The following SNIP1 variants were observed in gnomAD, a reference collection of about 807,000 sequenced individuals.
The protein encoded by SNIP1 is Smad nuclear interacting protein 1.
A neutral mutation model predicts 37.4 loss-of-function variants in SNIP1; 23 were observed. The ratio of observed to expected loss-of-function variants is 0.61; its 90% CI spans 0.44 to 0.87. The LOEUF (loss-of-function observed/expected upper bound fraction) is 0.87. SNIP1 is among the 40% of genes least tolerant of loss of function. The pLI is 0.00. For synonymous variants in SNIP1, 174 were observed against 200.0 expected, an observed-to-expected ratio of 0.87 and a Z score of 1.10; for missense variants, 459 against 540.4, an observed-to-expected ratio of 0.85 and a Z score of 1.49.
chr1:37,548,760 AGAC>A (rs1643270239), intron 2 of SNIP1: 2 of 150,468 alleles, frequency 1.3e-5, no homozygotes, highest in Admixed American at 1.3e-4. Context: ...AAAAAAAAAA[AGAC>A]GACTGAATTC....
intron 2 of SNIP1, chr1:37,544,888 G>C: frequency 9.9e-7 from 1 of 1,014,946 alleles, no homozygotes; most frequent in Non-Finnish European, 1.5e-6. Flanking sequence ...ACAATGATGT[G>C]GCTTTGAAGA....
In SNIP1 at chr1:37,535,222, A is replaced by ATT. The variant is rs2148110241; in HGVS notation, c.*2525_*2526insAA. On this transcript the variant is annotated 3_prime_UTR_variant, in exon 4 of 4. Coordinates refer to ENST00000296215, the MANE Select transcript of SNIP1 (RefSeq NM_024700.4). ...CCATCTCTACTAAAAAAAAATAAAA[A>ATT]ATAAAAATTATATATATAAATTAGC... 1 of 92,952 alleles carries ATT rather than the reference A, an allele frequency of 1.1e-5. No individual in the cohort carries two copies. The highest frequency in any genetic ancestry group is 3.7e-4 in the South Asian group (1 of 2,730). 5.8% of individuals were successfully genotyped at this position (92,952 alleles called of 1,614,324 possible). A position where few individuals can be genotyped will look rare whatever the true frequency, so the allele number is the denominator to read the frequency against.
In SNIP1 at chr1:37,544,175, A is replaced by G. The variant is rs548822037; in HGVS notation, c.328-3420T>C. 3.3e-5 allele frequency among the ~76,000 whole-genome samples: 5 copies of G among 149,334 alleles called. No homozygotes were observed. In the East Asian group the frequency reaches 1.0e-3, roughly 30 times the overall value. On this transcript the variant is annotated intron_variant, in intron 2 of 3. Transcript: ENST00000296215. ...AAAAAAGAAACAAGAGGCCGGGCGA[A>G]GTGGCTCACGCCTGCAATCCTAGCA...
chr1:37,541,004 A>G (rs1643168295), intron 2 of SNIP1: 2 of 400,112 alleles, frequency 5.0e-6, no homozygotes, highest in Non-Finnish European at 4.5e-6. Context: ...ACAGCCCTAA[A>G]AACAAGAGAC....
intron 2 of SNIP1, among the ~76,000 whole-genome samples, chr1:37,543,911 G>A (rs781052172): frequency 9.9e-5 from 15 of 151,124 alleles, no homozygotes; most frequent in East Asian, 5.9e-4. Flanking sequence ...GAGGGCAAGG[G>A]GGGGGGCAGG....
Position 37,536,140 on chromosome 1 carries a change from C to T in SNIP1, c.*1608G>A, listed in dbSNP as rs1643091576. ...GCCCAACTTACGTTTCATCTAATGA[C>T]CTTATTAAGTGTTCACTTTTCAAAG... On this transcript the variant is annotated 3_prime_UTR_variant, in exon 4 of 4. Coordinates refer to ENST00000296215, the MANE Select transcript of SNIP1 (RefSeq NM_024700.4). 6.6e-6 allele frequency: 1 copy of T among 152,198 alleles called. No individual in the cohort carries two copies. Among genetic ancestry groups the T allele is most frequent in the East Asian group, 1.9e-4 (1 of 5,202 alleles). 9.4% of individuals were successfully genotyped at this position (152,198 alleles called of 1,614,324 possible).
chr1:37,538,650 A>G (rs933582681), intron 3 of SNIP1, among the ~76,000 whole-genome samples: 1 of 152,120 alleles, frequency 6.6e-6, no homozygotes, highest in Non-Finnish European at 1.5e-5. Flanking sequence ...TTTATAATCA[A>G]CATAATGTTT....
intron 2 of SNIP1, among the ~76,000 whole-genome samples, chr1:37,545,788 C>A (rs145479302): frequency 1.7e-3 from 264 of 151,932 alleles, no homozygotes; most frequent in African/African-American, 6.0e-3. Context: ...TGAGACCCAC[C>A]CGCCGCCCTC....
At chr1:37,549,315 G>A (rs1257153759) in intron 2 of SNIP1, among the ~76,000 whole-genome samples, 1 of 152,054 alleles carries the variant, frequency 6.6e-6, no homozygotes, top group Non-Finnish European at 1.5e-5. Flanking sequence ...AAATAAAAGG[G>A]GAGATACACA....
chr1:37,538,508 CAAAA>C (rs35905865), intron 3 of SNIP1, among the ~76,000 whole-genome samples: 1 of 57,952 alleles, frequency 1.7e-5, no homozygotes, highest in Non-Finnish European at 3.1e-5. Flanking sequence ...GACTCTGTCT[CAAAA>C]AAAAAAAAAA....
At chr1:37,542,057 A>C (rs576223968) in intron 2 of SNIP1, among the ~76,000 whole-genome samples, 23 of 152,264 alleles carry the variant, frequency 1.5e-4, no homozygotes, top group African/African-American at 4.8e-4. Flanking sequence ...CTTTTCGTTT[A>C]AAGGAAGCAC....
chr1:37,538,465 C>T (rs1328272754), intron 3 of SNIP1, among the ~76,000 whole-genome samples: 2 of 144,032 alleles, frequency 1.4e-5, no homozygotes, highest in Admixed American at 7.2e-5. Context: ...GCCGAGATCA[C>T]GCCACTGCAC....
In SNIP1 at chr1:37,540,199, T is replaced by C. The variant is rs767501231; in HGVS notation, c.884A>G (p.Asp295Gly). 1 of 1,603,878 alleles carries C rather than the reference T, an allele frequency of 6.2e-7. No homozygotes were observed. The highest frequency in any genetic ancestry group is 1.1e-5 in the South Asian group (1 of 90,906). Residue 295 changes from aspartate (D) to glycine (G), a missense_variant, in exon 3 of 4, where the codon GAT becomes GGT. Asp to Gly is a moderately conservative substitution (Grantham distance 94, BLOSUM62 -1). Transcript: ENST00000296215. The surrounding 1 kb of genome is among the most constrained non-coding windows in gnomAD (Gnocchi z 5.6). ...RHRRIADIPI[D>G]HPSCSKQHAV... is the part of the protein sequence containing the mutation. ...ATGCTGCTTTGAACAAGACGGGTGA[T>C]CAATTGGAATGTCTGCAATGCGGCG... is the stretch of plus-strand genomic sequence containing the variant.
chr1:37,540,344 T>C lies in SNIP1; in HGVS notation c.739A>G (p.Ser247Gly). The change falls in exon 3 of 4, where the codon AGT (serine) becomes GGT (glycine). Residue 247 changes from serine (S) to glycine (G), a missense_variant. Physicochemically the swap from Ser to Gly is moderately conservative, Grantham distance 56. Transcript: ENST00000296215. This position sits in a 1 kb window ranked among gnomAD's most constrained non-coding sequence, Gnocchi z 5.6. ...GGGATACGTGCTTCTGGGGGCTCAC[T>C]ATATTTAATGACTACACCCCGGAAA... Reference protein sequence around the residue: ...NTFRGVVIKYSEPPEARIPKK... With the variant: ...NTFRGVVIKYGEPPEARIPKK... 6.2e-7 allele frequency: 1 copy of C among 1,614,148 alleles called. No individual in the cohort carries two copies. The highest frequency in any genetic ancestry group is 8.5e-7 in the Non-Finnish European group (1 of 1,180,024).
chr1:37,552,649 T>C lies in SNIP1; in HGVS notation c.323A>G (p.Lys108Arg), dbSNP rs770031288. The change falls in exon 2 of 4, where the codon AAG becomes AGG. Residue 108 changes from lysine to arginine, a missense_variant. Lys to Arg is a conservative substitution (Grantham distance 26). Transcript: ENST00000296215. ...RSPHHSTVKVKQEREDHPRRG... is the reference protein window; with the variant it reads ...RSPHHSTVKVRQEREDHPRRG... ...AAAACACCCCAATCCACTTACCTGC[T>C]TCACTTTGACTGTTGAGTGGTGAGG... 5.0e-6 allele frequency: 8 copies of C among 1,613,804 alleles called. No individual in the cohort carries two copies. The East Asian group carries it at 1.8e-4, about 36-fold the overall frequency.
rs552625660 is a variant in SNIP1, at chr1:37,544,702, G to A, written c.328-3947C>T. The A allele has an allele frequency of 3.6e-5, 21 of 590,948 alleles. No individual in the cohort carries two copies. The East Asian group carries it at 5.9e-4, about 16-fold the overall frequency. 36.6% of individuals were successfully genotyped at this position (590,948 alleles called of 1,614,324 possible). ...TCACTGGGCCCTCTGACTGTCCCAAGGCCCCCGCCGCCACTCCAGCGCCGT... is the reference window on the plus strand; with the variant it reads ...TCACTGGGCCCTCTGACTGTCCCAAAGCCCCCGCCGCCACTCCAGCGCCGT... On this transcript the variant is annotated intron_variant, in intron 2 of 3. Transcript: ENST00000296215.
In SNIP1 at chr1:37,542,126, C is replaced by T. The variant is rs532469945; in HGVS notation, c.328-1371G>A. On this transcript the variant is annotated intron_variant, in intron 2 of 3. Transcript: ENST00000296215. ...AAATCACTACTATTGCATTTTGGGG[C>T]CACTACTAAATAAAATAAAGGTTAC... Among the ~76,000 whole-genome samples the T allele has an allele frequency of 7.2e-5, 11 of 152,188 alleles. No homozygotes were observed. In the East Asian group the frequency reaches 2.1e-3, roughly 29 times the overall value.
chr1:37,534,986 T>C lies in SNIP1; in HGVS notation c.*2762A>G, dbSNP rs1471449968. ...ATTATGTCCACTTTAAGAAGTCTGCTGGTGATATCTGGCTTTAGAGGCAGG... is the reference window on the plus strand; with the variant it reads ...ATTATGTCCACTTTAAGAAGTCTGCCGGTGATATCTGGCTTTAGAGGCAGG... On this transcript the variant is annotated 3_prime_UTR_variant, in exon 4 of 4. Transcript: ENST00000296215. 6.6e-6 allele frequency: 1 copy of C among 150,810 alleles called. No individual in the cohort carries two copies. Among genetic ancestry groups the C allele is most frequent in the Non-Finnish European group, 1.5e-5 (1 of 67,870 alleles). The allele number at this position is 150,810 out of a possible 1,614,324, so 9.3% of individuals were successfully genotyped here.
chr1:37,553,985 C>G lies in SNIP1; in HGVS notation c.224+21G>C, dbSNP rs371445238. The G allele has an allele frequency of 6.6e-5, 102 of 1,551,096 alleles. No homozygotes were observed. The African/African-American group carries it at 1.3e-3, about 21-fold the overall frequency. ...GAATGAGCCCAACCCAATGTCCATCCTGGACTGCTCCCCCACTTACCGGCT... is the reference window on the plus strand; with the variant it reads ...GAATGAGCCCAACCCAATGTCCATCGTGGACTGCTCCCCCACTTACCGGCT... On this transcript the variant is annotated intron_variant, in intron 1 of 3. Transcript: ENST00000296215.
Sources: allele counts gnomAD v4.1 joint callset (sites outside exome capture counted in the v4.1 genomes callset), GRCh38; gene constraint gnomAD v4.1.1; non-coding constraint Gnocchi (gnomAD v3.1); transcripts MANE v1.5; gene names NCBI Gene and HGNC (gene_info 2026-07-23, HGNC 2026-07-21).